The following TOP3A variants were observed in gnomAD, a reference collection of about 807,000 sequenced individuals.
TOP3A encodes DNA topoisomerase 3-alpha.
TOP3A carries 64 observed loss-of-function variants against 111.3 expected under a neutral mutation model. That is an observed-to-expected ratio of 0.57 (90% CI 0.47 to 0.71). TOP3A has a LOEUF of 0.71. Among genes scored for constraint, TOP3A ranks in the 30% least tolerant of loss-of-function variants. The pLI, the probability that TOP3A is intolerant of heterozygous loss-of-function variation, is 0.00. For missense variants in TOP3A, 1,104 were observed against 1,285.0 expected, an observed-to-expected ratio of 0.86 and a Z score of 2.15; for synonymous variants, 484 against 485.1, an observed-to-expected ratio of 1.00 and a Z score of 0.03.
chr17:18,301,835 G>A (rs1263985462), intron 8 of TOP3A, 50 bp downstream of exon 8: 1 of 1,458,290 alleles, frequency 6.9e-7, no homozygotes, highest in Non-Finnish European at 9.6e-7. Context: ...GACAGTGGGA[G>A]TGGTTTGGGA....
rs773055260 is a variant in TOP3A at position 18,299,626 on chromosome 17, A to G, written c.923T>C (p.Met308Thr). 2 of 1,614,040 alleles carry G rather than the reference A, an allele frequency of 1.2e-6. No individual in the cohort carries two copies. The highest frequency in any genetic ancestry group is 1.3e-5 in the African/African-American group (1 of 75,058). ...AGATCTGACCTCTACCACAGTTGCC[A>G]TGGGATCCTAGAAAGCCAGGAAAGA... ...VLYQLCVEDP[M>T]ATVVEVRSKP... The change falls in exon 9 of 19, where the codon ATG becomes ACG. Residue 308 changes from methionine (M) to threonine (T), a missense_variant. Met to Thr is a moderately conservative substitution (Grantham distance 81). Transcript: ENST00000321105.
rs1388274269 is a variant in TOP3A at position 18,278,012 on chromosome 17, GT to G, written c.2489del (p.Asn830ThrfsTer52). The G allele has an allele frequency of 6.2e-7, 1 of 1,614,148 alleles. No homozygotes were observed. Among genetic ancestry groups the G allele is most frequent in the Admixed American group, 1.7e-5 (1 of 60,034 alleles). On this transcript the variant is annotated frameshift_variant, in exon 18 of 19. Transcript: ENST00000321105. LOFTEE classifies it high-confidence loss of function. ...TGCACTTAAAGAACTGCCGGCCCCG[GT>G]TGGGGCCCTCCTTACGGACAGTGAG... is the stretch of plus-strand genomic sequence containing the variant. ...VLLTVRKEGP[N>X]RGRQFFKCNG...
intron 13 of TOP3A, among the ~76,000 whole-genome samples, chr17:18,289,125 G>GC (rs1980308149): frequency 6.6e-6 from 1 of 152,130 alleles, no homozygotes; most frequent in African/African-American, 2.4e-5. Flanking sequence ...CAATTCTCCT[G>GC]CCTCAGCCTC....
At chr17:18,291,899 A>G (rs577463604) in intron 11 of TOP3A, among the ~76,000 whole-genome samples, 3 of 152,130 alleles carry the variant, frequency 2.0e-5, no homozygotes, top group Non-Finnish European at 4.4e-5. Flanking sequence ...TTTCTAGTAG[A>G]GATGGGGTTT....
At chr17:18,310,955 G>C (rs1201915278) in intron 1 of TOP3A, among the ~76,000 whole-genome samples, 3 of 151,726 alleles carry the variant, frequency 2.0e-5, no homozygotes, top group Non-Finnish European at 4.4e-5. Flanking sequence ...TCTACTGCCT[G>C]GTAAAACTTT....
At chr17:18,299,502 C>T in intron 9 of TOP3A, 57 bp downstream of exon 9, 4 of 1,521,740 alleles carry the variant, frequency 2.6e-6, no homozygotes, top group Admixed American at 1.7e-5. Context: ...GGTAGAACCA[C>T]AGCCTCAAAA....
Position 18,314,762 on chromosome 17 carries a change from G to A in TOP3A, c.17C>T (p.Ala6Val). The A allele has an allele frequency of 1.3e-6, 2 of 1,554,506 alleles. No homozygotes were observed. MIFPV[A>V]RYALRWLRRP... The stretch of plus-strand genomic sequence containing the variant: ...TCGCAGCCACCGGAGCGCGTAGCGG[G>A]CGACAGGAAAGATCATCCTCAGACC... Residue 6 changes from alanine (A) to valine (V), a missense_variant, in exon 1 of 19, where the codon GCC (alanine) becomes GTC (valine). Ala to Val is a moderately conservative substitution (Grantham distance 64, BLOSUM62 0). Transcript: ENST00000321105.
intron 15 of TOP3A, 94 bp from the exon 16 acceptor site, chr17:18,282,935 A>G (rs1979856898): frequency 6.6e-7 from 1 of 1,517,728 alleles, no homozygotes; most frequent in African/African-American, 1.4e-5. Flanking sequence ...CGTGACCTTG[A>G]GAACCAGCTG....
At chr17:18,303,565 C>G (rs1047022787) in intron 5 of TOP3A, among the ~76,000 whole-genome samples, 3 of 152,212 alleles carry the variant, frequency 2.0e-5, no homozygotes, top group Admixed American at 2.0e-4. Flanking sequence ...GGCGGCAATA[C>G]TGCTCTGTTA....
rs1362247193 is a variant in TOP3A at position 18,291,014 on chromosome 17, C to T, written c.1295G>A (p.Arg432Gln). The T allele has an allele frequency of 9.9e-6, 16 of 1,614,022 alleles. No homozygotes were observed. In the East Asian group the frequency reaches 1.3e-4, roughly 13 times the overall value. Reference sequence around the variant, plus strand: ...ATGGCGAACAATAAACTCGTACAGTCGCTGTTCATCTCCCTAGGAAGAAAA... The same window carrying T: ...ATGGCGAACAATAAACTCGTACAGTTGCTGTTCATCTCCCTAGGAAGAAAA... Reference protein sequence around the residue: ...YTNNLQGDEQRLYEFIVRHFL... With the variant: ...YTNNLQGDEQQLYEFIVRHFL... The change falls in exon 12 of 19, where the codon CGA becomes CAA. Residue 432 changes from arginine to glutamine, a missense_variant. By Grantham distance (43) the Arg-to-Gln change is conservative. Coordinates refer to ENST00000321105, the MANE Select transcript of TOP3A (RefSeq NM_004618.5).
chr17:18,285,456 G>A lies in TOP3A; in HGVS notation c.1662C>T (p.Thr554=), dbSNP rs1980032913. The change falls in exon 14 of 19, where the codon ACC becomes ACT. Residue 554 remains threonine, a synonymous_variant. Coordinates refer to ENST00000321105, the MANE Select transcript of TOP3A (RefSeq NM_004618.5). ...TIKARMYVGL[T]PDKRFLPGHL... is the part of the protein sequence containing the mutation. ...GCCCAGGGAGGAACCGCTTGTCTGG[G>A]GTGAGGCCCACGTACATCCGGGCTT... 6.2e-7 allele frequency: 1 copy of A among 1,614,078 alleles called. No homozygotes were observed. Among genetic ancestry groups the A allele is most frequent in the Non-Finnish European group, 8.5e-7 (1 of 1,180,012 alleles).
intron 8 of TOP3A, among the ~76,000 whole-genome samples, chr17:18,300,123 C>T (rs949694122): frequency 3.3e-5 from 5 of 152,260 alleles, no homozygotes; most frequent in African/African-American, 1.2e-4. Context: ...AATTGCTGGG[C>T]ACAGTGGCTC....
rs758060688 is a variant in TOP3A at position 18,285,501 on chromosome 17, C to T, written c.1617G>A (p.Ala539=). Residue 539 remains alanine (A), a synonymous_variant, in exon 14 of 19, where the codon GCG becomes GCA. Coordinates refer to ENST00000321105, the MANE Select transcript of TOP3A (RefSeq NM_004618.5). ...GGGCTTTGATGGTCTCGATGTGCTC[C>T]GCATGAGTGGCATCCGTACCTGGAA... ...KHGIGTDATH[A]EHIETIKARM... 13 of 1,613,966 alleles carry T rather than the reference C, an allele frequency of 8.1e-6. No homozygotes were observed. Among genetic ancestry groups the T allele is most frequent in the South Asian group, 5.5e-5 (5 of 91,064 alleles).
rs1981565850 is a variant in TOP3A at position 18,306,132 on chromosome 17, C to G, written c.390+759G>C. 3.3e-5 allele frequency among the ~76,000 whole-genome samples: 5 copies of G among 152,242 alleles called. No individual in the cohort carries two copies. In the South Asian group the frequency reaches 1.0e-3, roughly 32 times the overall value. ...CAAGAGAATCGCTTGAACCTGGAGG[C>G]AGAGGTTGCAGTGAGCTGAGATTGC... On this transcript the variant is annotated intron_variant, in intron 4 of 18. Coordinates refer to ENST00000321105, the MANE Select transcript of TOP3A (RefSeq NM_004618.5).
At chr17:18,301,059 G>C (rs1981196295) in intron 8 of TOP3A, among the ~76,000 whole-genome samples, 1 of 152,228 alleles carries the variant, frequency 6.6e-6, no homozygotes, top group African/African-American at 2.4e-5. Context: ...AGCGGGTGCT[G>C]CACAGTTATC....
At chr17:18,302,784 G>T in intron 5 of TOP3A, 61 bp from the exon 6 acceptor site, 2 of 1,562,600 alleles carry the variant, frequency 1.3e-6, no homozygotes, top group South Asian at 1.2e-5. Context: ...CATCATAAAG[G>T]ACTCACTTTT....
intron 4 of TOP3A, chr17:18,306,414 T>TG (rs1981582823): frequency 6.4e-6 from 1 of 155,684 alleles, no homozygotes; most frequent in Non-Finnish European, 1.4e-5. Context: ...GGCTGGAGTG[T>TG]GGTGGTGTGA....
chr17:18,305,479 C>CACAT (rs59636983), intron 4 of TOP3A, among the ~76,000 whole-genome samples: 389 of 147,976 alleles, frequency 2.6e-3, no homozygotes, highest in African/African-American at 9.1e-3. Context: ...AGCTCTAACA[C>CACAT]ACACACACGC....
intron 3 of TOP3A, among the ~76,000 whole-genome samples, chr17:18,307,793 CCA>C (rs1981667705): frequency 6.6e-6 from 1 of 150,910 alleles, no homozygotes; most frequent in Admixed American, 6.6e-5. Context: ...GGCTGTAAGG[CCA>C]GTTACTTGGG....
Sources: gnomAD v4.1 joint callset for allele counts (sites outside exome capture counted in the v4.1 genomes callset) on GRCh38, gnomAD v4.1.1 for gene constraint, MANE v1.5 for transcripts, NCBI Gene and HGNC (gene_info 2026-07-23, HGNC 2026-07-21) for gene names.